Variants in PRKDC observed in about 807,000 individuals in gnomAD.
The protein encoded by PRKDC is DNA-dependent protein kinase catalytic subunit.
PRKDC carries 82 observed loss-of-function variants against 486.9 expected under a neutral mutation model. The observed-to-expected ratio is 0.17, with a 90% CI of 0.14 to 0.20. The LOEUF (loss-of-function observed/expected upper bound fraction) is 0.20, where lower values mean the gene tolerates loss of function less well. PRKDC is among the 10% of genes least tolerant of loss of function. The probability of loss-of-function intolerance (pLI) is 1.00; values close to 1 mark genes in which losing one functional copy is unlikely to be tolerated. For synonymous variants in PRKDC, 1,895 were observed against 1,837.0 expected, an observed-to-expected ratio of 1.03 and a Z score of -0.81; for missense variants, 4,504 against 5,038.2, an observed-to-expected ratio of 0.89 and a Z score of 3.21.
chr8:47,944,373 T>C (rs1161155927), intron 7 of PRKDC, among the ~76,000 whole-genome samples: 1 of 151,994 alleles, frequency 6.6e-6, no homozygotes, highest in East Asian at 1.9e-4. Context: ...GTATATACCT[T>C]TTAGGATAGT....
chr8:47,846,567 C>T (rs1252171971), intron 54 of PRKDC, among the ~76,000 whole-genome samples: 1 of 152,136 alleles, frequency 6.6e-6, no homozygotes, highest in Non-Finnish European at 1.5e-5. Context: ...ATGGTAAAAA[C>T]TGGAAGCATT....
chr8:47,938,133 G>A (rs1194628244), intron 11 of PRKDC, among the ~76,000 whole-genome samples: 2 of 152,120 alleles, frequency 1.3e-5, no homozygotes, highest in East Asian at 1.9e-4. Flanking sequence ...GAGGCCAGGA[G>A]CGGTGGCTCA....
chr8:47,855,092 A>G, intron 50 of PRKDC, 130 bp downstream of exon 50: 1 of 1,007,286 alleles, frequency 9.9e-7, no homozygotes, highest in Non-Finnish European at 1.4e-6. Context: ...CTGTGGTTTT[A>G]TTAGTAACAA....
intron 76 of PRKDC, among the ~76,000 whole-genome samples, chr8:47,788,623 A>G (rs901720073): frequency 2.0e-5 from 3 of 152,180 alleles, no homozygotes; most frequent in Admixed American, 6.5e-5. Flanking sequence ...AGAATTGGAA[A>G]TCCCAATCTA....
chr8:47,856,876 A>G (rs1156388955), intron 49 of PRKDC, among the ~76,000 whole-genome samples: 1 of 152,220 alleles, frequency 6.6e-6, no homozygotes, highest in Non-Finnish European at 1.5e-5. Context: ...ATAAATTTGC[A>G]ATCTCATTTC....
At chr8:47,851,119 C>A (rs2088393387) in intron 52 of PRKDC, among the ~76,000 whole-genome samples, 1 of 152,236 alleles carries the variant, frequency 6.6e-6, no homozygotes, top group Admixed American at 6.5e-5. Context: ...CTCTTACCAA[C>A]TTCTTTATGT....
chr8:47,881,566 T>C (rs1365444483), intron 37 of PRKDC, 46 bp from the exon 38 acceptor site: 1 of 979,970 alleles, frequency 1.0e-6, no homozygotes. Context: ...ATATTACATC[T>C]CTATTTCCTT....
At chr8:47,868,867 G>A (rs899296933) in intron 40 of PRKDC, among the ~76,000 whole-genome samples, 7 of 152,204 alleles carry the variant, frequency 4.6e-5, no homozygotes, top group African/African-American at 1.7e-4. Flanking sequence ...GCACTTGGGG[G>A]AGGAAAAGCA....
In PRKDC at chr8:47,943,304, C is replaced by A. The variant is rs372117480; in HGVS notation, c.871G>T (p.Val291Leu). The A allele has an allele frequency of 3.7e-6, 6 of 1,612,170 alleles. No homozygotes were observed. In the South Asian group the frequency reaches 6.6e-5, roughly 18 times the overall value. Residue 291 changes from valine to leucine, a missense_variant, in exon 10 of 86, where the codon GTG becomes TTG. Physicochemically the swap from Val to Leu is conservative, Grantham distance 32. Around this residue, in one of 6 missense-constraint regions of PRKDC, gnomAD observed 1,969 missense variants for 2,068.9 expected, o/e 0.95. Transcript: ENST00000314191. ...QFSTCLLDNY[V>L]SLFEVLLKWC... ...TTTAACAAGACTTCAAATAGAGACACGTAGTTGTCCAGAAGGCAGGTGCTA... is the reference window on the plus strand; with the variant it reads ...TTTAACAAGACTTCAAATAGAGACAAGTAGTTGTCCAGAAGGCAGGTGCTA...
At position 47,799,284 on chromosome 8, in the gene PRKDC, C is replaced by A. The variant is rs1016992202; in HGVS notation, c.10223G>T (p.Gly3408Val). The change falls in exon 72 of 86, where the codon GGG (glycine) becomes GTG (valine). Residue 3408 changes from glycine (G) to valine (V), a missense_variant. Around this residue, in one of 6 missense-constraint regions of PRKDC, gnomAD observed 706 missense variants for 945.0 expected, o/e 0.75. Transcript: ENST00000314191. ...CAGCGTCATGTAAGCATCAATCACCCCAGCTGCAGGCCCACAGCTCCAGGA... is the reference window on the plus strand; with the variant it reads ...CAGCGTCATGTAAGCATCAATCACCACAGCTGCAGGCCCACAGCTCCAGGA... Reference protein sequence around the residue: ...PPSWSCGPAAGVIDAYMTLAD... With the variant: ...PPSWSCGPAAVVIDAYMTLAD... The A allele has an allele frequency of 6.2e-7, 1 of 1,613,628 alleles. No homozygotes were observed. The highest frequency in any genetic ancestry group is 8.5e-7 in the Non-Finnish European group (1 of 1,179,890).
rs948141994 is a variant in PRKDC at position 47,821,895 on chromosome 8, T to C, written c.8923-103A>G. The C allele has an allele frequency of 4.6e-5, 50 of 1,081,978 alleles. No individual in the cohort carries two copies. In the Admixed American group the frequency reaches 6.0e-4, roughly 13 times the overall value. 67.0% of individuals were successfully genotyped at this position (1,081,978 alleles called of 1,614,324 possible). On this transcript the variant is annotated intron_variant, in intron 64 of 85. Transcript: ENST00000314191. ...TAACAATCACACTAAAAACAATCCT[T>C]TTCAGATTTACGGAAAGGAGAGAGA...
At chr8:47,925,496 T>C (rs1306035832) in intron 21 of PRKDC, among the ~76,000 whole-genome samples, 1 of 152,102 alleles carries the variant, frequency 6.6e-6, no homozygotes, top group African/African-American at 2.4e-5. Flanking sequence ...GAGTTACAAC[T>C]AAAAGTAACA....
chr8:47,782,274 G>T lies in PRKDC; in HGVS notation c.11397-20C>A. The T allele has an allele frequency of 6.2e-7, 1 of 1,612,796 alleles. No individual in the cohort carries two copies. The highest frequency in any genetic ancestry group is 8.5e-7 in the Non-Finnish European group (1 of 1,178,784). ...CCTAACCTGAAAGGGAGAATAAAAG[G>T]TTAACGAGTAAACCCAAACTGCTCT... On this transcript the variant is annotated intron_variant, in intron 79 of 85. Coordinates refer to ENST00000314191, the MANE Select transcript of PRKDC (RefSeq NM_006904.7). This position sits in a 1 kb window ranked among gnomAD's most constrained non-coding sequence, Gnocchi z 4.9.
chr8:47,952,940 A>C (rs931038204), intron 7 of PRKDC, among the ~76,000 whole-genome samples: 5 of 151,336 alleles, frequency 3.3e-5, no homozygotes, highest in Non-Finnish European at 5.9e-5. Flanking sequence ...AGGAGTTCGA[A>C]ACCAGCCTGG....
intron 80 of PRKDC, among the ~76,000 whole-genome samples, chr8:47,780,791 A>G (rs1563730623): frequency 6.6e-6 from 1 of 152,170 alleles, no homozygotes; most frequent in Non-Finnish European, 1.5e-5. Context: ...TACAAAAATT[A>G]GCTGGGCATG....
chr8:47,866,070 T>A (rs1044769869), intron 40 of PRKDC, among the ~76,000 whole-genome samples: 3 of 150,378 alleles, frequency 2.0e-5, no homozygotes, highest in African/African-American at 4.9e-5. Context: ...GCAGGAGAAT[T>A]GCTTGAACCC....
In PRKDC at chr8:47,840,039, G is replaced by A. The variant is rs940747132; in HGVS notation, c.7431C>T (p.Leu2477=). 1.4e-5 allele frequency: 21 copies of A among 1,543,644 alleles called. No homozygotes were observed. The highest frequency in any genetic ancestry group is 2.4e-5 in the East Asian group (1 of 41,396). The change falls in exon 55 of 86, where the codon CTC becomes CTT. Residue 2477 remains leucine (L), a synonymous_variant. Coordinates refer to ENST00000314191, the MANE Select transcript of PRKDC (RefSeq NM_006904.7). ...TTCREQMYNI[L]MWIHDNYRDP... is the part of the protein sequence containing the mutation. ...ACCTGTAATTATCATGAATCCACAT[G>A]AGAATATTATACATTTGTTCCCTAC...
chr8:47,949,303 G>A (rs911421056), intron 7 of PRKDC, among the ~76,000 whole-genome samples: 1 of 152,204 alleles, frequency 6.6e-6, no homozygotes, highest in Non-Finnish European at 1.5e-5. Flanking sequence ...GGGACACCCT[G>A]GTGGCCATTA....
rs1365792760 is a variant in PRKDC at position 47,852,723 on chromosome 8, C to T, written c.6955G>A (p.Ala2319Thr). Residue 2319 changes from alanine (A) to threonine (T), a missense_variant, in exon 52 of 86, where the codon GCA becomes ACA. By Grantham distance (58) the Ala-to-Thr change is moderately conservative (BLOSUM62 0). This residue lies in a region of PRKDC where 1,592 missense variants were observed against 1,724.6 expected (regional missense o/e 0.92). Coordinates refer to ENST00000314191, the MANE Select transcript of PRKDC (RefSeq NM_006904.7). The stretch of plus-strand genomic sequence containing the variant: ...AGTATAAGTCCTAGAACTTCTGCTG[C>T]AGCGGCATACACTTCTTTATATCTT... ...FVRYKEVYAA[A>T]AEVLGLILRY... The T allele has an allele frequency of 1.3e-6, 2 of 1,581,406 alleles. No homozygotes were observed. The highest frequency in any genetic ancestry group is 1.8e-5 in the Admixed American group (1 of 55,332).
Sources: allele counts gnomAD v4.1 joint callset (sites outside exome capture counted in the v4.1 genomes callset), GRCh38; gene constraint gnomAD v4.1.1; regional missense constraint gnomAD v4.1.1; non-coding constraint Gnocchi (gnomAD v3.1); transcripts MANE v1.5; gene names NCBI Gene and HGNC (gene_info 2026-07-23, HGNC 2026-07-21).